EPSTI1: variants seen among roughly 807,000 people sequenced by gnomAD.
EPSTI1 encodes epithelial stromal interaction 1, also known as epithelial-stromal interaction protein 1.
A neutral mutation model predicts 49.9 loss-of-function variants in EPSTI1; 66 were observed. That is an observed-to-expected ratio of 1.32 (90% CI 1.08 to 1.62). EPSTI1 has a LOEUF of 1.62. Among genes scored for constraint, EPSTI1 ranks in the 40% most tolerant of loss-of-function variants. The pLI, the probability that EPSTI1 is intolerant of heterozygous loss-of-function variation, is 0.00. For missense variants in EPSTI1, 394 were observed against 365.5 expected, an observed-to-expected ratio of 1.08 and a Z score of -0.64; for synonymous variants, 137 against 130.7, an observed-to-expected ratio of 1.05 and a Z score of -0.33.
At chr13:42,983,239 C>T (rs1272646426) in intron 1 of EPSTI1, among the ~76,000 whole-genome samples, 3 of 152,126 alleles carry the variant, frequency 2.0e-5, no homozygotes, top group Non-Finnish European at 2.9e-5. Context: ...TCTCTTTAGC[C>T]TATAGAACTT....
At chr13:42,943,191 G>C (rs961073676) in intron 6 of EPSTI1, among the ~76,000 whole-genome samples, 12 of 152,160 alleles carry the variant, frequency 7.9e-5, no homozygotes, top group African/African-American at 2.9e-4. Flanking sequence ...CAGATGGCTT[G>C]TCTCCAGAAT....
intron 1 of EPSTI1, among the ~76,000 whole-genome samples, chr13:42,978,795 AT>A (rs1281255880): frequency 6.6e-6 from 1 of 152,200 alleles, no homozygotes; most frequent in African/African-American, 2.4e-5. Context: ...CATATATGAC[AT>A]CTATTTTATA....
chr13:42,896,149 GTC>G (rs780415078), intron 9 of EPSTI1, among the ~76,000 whole-genome samples: 9 of 152,236 alleles, frequency 5.9e-5, no homozygotes, highest in South Asian at 2.1e-4. Context: ...CTCAGTTGCT[GTC>G]TCTCAACAAC....
chr13:42,952,551 AAGAC>A (rs1230199965), intron 6 of EPSTI1, among the ~76,000 whole-genome samples: 1 of 152,234 alleles, frequency 6.6e-6, no homozygotes, highest in East Asian at 1.9e-4. Context: ...ATCTCTCTGC[AAGAC>A]AGACAGTTTC....
rs745871546 is a variant in EPSTI1, at chr13:42,964,097, AGTT to A, written c.371_373del (p.Gln124del). 14 of 1,613,448 alleles carry A rather than the reference AGTT, an allele frequency of 8.7e-6. No homozygotes were observed. Among genetic ancestry groups the A allele is most frequent in the Admixed American group, 8.3e-5 (5 of 59,968 alleles). ...CTTGTATTTAGATTGCATCAGCTGG[AGTT>A]GTTGTTTCTGTCTGACTTCAGTTTC... On this transcript the variant is annotated inframe_deletion, in exon 4 of 11. Transcript: ENST00000313624.
At chr13:42,940,290 C>G (rs1594689697) in intron 6 of EPSTI1, among the ~76,000 whole-genome samples, 2 of 152,262 alleles carry the variant, frequency 1.3e-5, no homozygotes, top group South Asian at 4.1e-4. Context: ...ATCCTTTTAT[C>G]TTCAGTTCAA....
chr13:42,944,675 TAAA>T (rs1237625253), intron 6 of EPSTI1, among the ~76,000 whole-genome samples: 1 of 151,816 alleles, frequency 6.6e-6, no homozygotes, highest in Non-Finnish European at 1.5e-5. Flanking sequence ...TGATAAAAAA[TAAA>T]AATAAAAAAC....
intron 10 of EPSTI1, chr13:42,889,142 C>A: frequency 8.0e-7 from 1 of 1,245,472 alleles, no homozygotes; most frequent in Non-Finnish European, 1.1e-6. Flanking sequence ...GTTTCCACAG[C>A]ATCCCAAAGA....
chr13:42,922,544 T>TTA lies in EPSTI1; in HGVS notation c.657+3790_657+3791dup, dbSNP rs1488627963. Among the ~76,000 whole-genome samples, 3 of 152,182 alleles carry TTA rather than the reference T, an allele frequency of 2.0e-5. No individual in the cohort carries two copies. Among genetic ancestry groups the TTA allele is most frequent in the Non-Finnish European group, 2.9e-5 (2 of 68,032 alleles). On this transcript the variant is annotated intron_variant, in intron 7 of 10. Coordinates refer to ENST00000313624, the MANE Select transcript of EPSTI1 (RefSeq NM_033255.5). The surrounding 1 kb of genome is among the most constrained non-coding windows in gnomAD (Gnocchi z 4.8). ...AACCATTCCTGTTGATACCCTCATTTTAGCATTTTAAAACCCATTTTTATT... is the reference window on the plus strand; with the variant it reads ...AACCATTCCTGTTGATACCCTCATTTTATAGCATTTTAAAACCCATTTTTATT...
At chr13:42,990,715 G>A (rs184887787) in intron 1 of EPSTI1, among the ~76,000 whole-genome samples, 1 of 152,220 alleles carries the variant, frequency 6.6e-6, no homozygotes, top group East Asian at 1.9e-4. Context: ...TAATATTAAA[G>A]GCCTGGTACT....
At chr13:42,938,668 C>T (rs2038644618) in intron 6 of EPSTI1, among the ~76,000 whole-genome samples, 1 of 152,060 alleles carries the variant, frequency 6.6e-6, no homozygotes, top group East Asian at 1.9e-4. Flanking sequence ...AATCTCAGCA[C>T]TTTGGGAGGC....
At chr13:42,909,794 A>G (rs1368162489) in intron 8 of EPSTI1, among the ~76,000 whole-genome samples, 1 of 152,188 alleles carries the variant, frequency 6.6e-6, no homozygotes, top group Non-Finnish European at 1.5e-5. Flanking sequence ...GAAATGGTGA[A>G]GTACAGGGAG....
rs536106969 is a variant in EPSTI1 at position 42,924,075 on chromosome 13, A to C, written c.657+2261T>G. Reference sequence around the variant, plus strand: ...CTTTTTACAAAGAAATGTTCTTCACAGAAGTGCAATGTACATATTTGATTT... The same window carrying C: ...CTTTTTACAAAGAAATGTTCTTCACCGAAGTGCAATGTACATATTTGATTT... On this transcript the variant is annotated intron_variant, in intron 7 of 10. Coordinates refer to ENST00000313624, the MANE Select transcript of EPSTI1 (RefSeq NM_033255.5). Among the ~76,000 whole-genome samples the C allele has an allele frequency of 5.3e-5, 8 of 152,376 alleles. No individual in the cohort carries two copies. In the East Asian group the frequency reaches 7.7e-4, roughly 15 times the overall value.
Position 42,903,740 on chromosome 13 carries a change from T to G in EPSTI1, c.742-3357A>C, listed in dbSNP as rs568123824. On this transcript the variant is annotated intron_variant, in intron 8 of 10. Transcript: ENST00000313624. ...TCAAAACTAGACCCTTAATTTCGAT[T>G]AAATAAATTTTATAGAAGTCTAAGA... is the stretch of plus-strand genomic sequence containing the variant. Among the ~76,000 whole-genome samples the G allele has an allele frequency of 3.8e-3, 577 of 152,304 alleles. 1 individual carries two copies. Among genetic ancestry groups the G allele is most frequent in the Admixed American group, 7.2e-3 (110 of 15,306 alleles).
intron 7 of EPSTI1, among the ~76,000 whole-genome samples, chr13:42,920,980 C>T (rs935342237): frequency 1.5e-4 from 22 of 151,588 alleles, no homozygotes; most frequent in Admixed American, 1.3e-4. Flanking sequence ...AGAAAATATG[C>T]CAAAATATAG....
chr13:42,980,520 C>T (rs1243147561), intron 1 of EPSTI1, among the ~76,000 whole-genome samples: 1 of 152,142 alleles, frequency 6.6e-6, no homozygotes, highest in African/African-American at 2.4e-5. Context: ...GAGGAACTGC[C>T]CTTTATAAAA....
intron 6 of EPSTI1, among the ~76,000 whole-genome samples, chr13:42,938,124 T>A (rs2153424754): frequency 6.6e-6 from 1 of 152,174 alleles, no homozygotes; most frequent in East Asian, 1.9e-4. Context: ...GGTTTTGATA[T>A]TTGGTTTAGA....
At chr13:42,938,914 CAA>C (rs57079104) in intron 6 of EPSTI1, among the ~76,000 whole-genome samples, 15 of 59,666 alleles carry the variant, frequency 2.5e-4, no homozygotes, top group Non-Finnish European at 3.6e-4. Context: ...GACTCTGTCT[CAA>C]AAAAAAAAAA....
chr13:42,928,241 A>G (rs1298176043), intron 6 of EPSTI1, among the ~76,000 whole-genome samples: 3 of 152,210 alleles, frequency 2.0e-5, no homozygotes, highest in African/African-American at 7.2e-5. Context: ...TTACGACACT[A>G]ACTCATATTT....
Sources: gnomAD v4.1 joint callset for allele counts (sites outside exome capture counted in the v4.1 genomes callset) on GRCh38, gnomAD v4.1.1 for gene constraint, Gnocchi (gnomAD v3.1) non-coding constraint, MANE v1.5 for transcripts, NCBI Gene and HGNC (gene_info 2026-07-23, HGNC 2026-07-21) for gene names.